The following CRB1 variants were observed in gnomAD, a reference collection of about 807,000 sequenced individuals.
The protein encoded by CRB1 is crumbs cell polarity complex component 1.
Under a neutral mutation model 120.0 loss-of-function variants are expected in CRB1, and 83 were observed. That is an observed-to-expected ratio of 0.69 (90% confidence interval 0.58 to 0.83). CRB1 has a LOEUF of 0.83. Ranked by LOEUF, CRB1 falls within the 40% of genes least tolerant of loss-of-function variation. CRB1 has a pLI of 0.00. For missense variants in CRB1, 1,699 were observed against 1,687.6 expected (o/e 1.01, Z -0.12); for synonymous variants, 625 against 612.5 (o/e 1.02, Z -0.30).
intron 5 of CRB1, among the ~76,000 whole-genome samples, chr1:197,403,778 C>G (rs1331551891): frequency 1.3e-5 from 2 of 151,968 alleles, no homozygotes; most frequent in African/African-American, 4.8e-5. Context: ...TTCTCTTTCT[C>G]TCTCTCTCCC....
At chr1:197,433,349 G>A (rs1664968359) in intron 8 of CRB1, among the ~76,000 whole-genome samples, 2 of 152,006 alleles carry the variant, frequency 1.3e-5, no homozygotes, top group African/African-American at 4.8e-5. Flanking sequence ...ATGGTGGTTG[G>A]GTGTAGTGCC....
chr1:197,377,601 C>G (rs1661716973), intron 5 of CRB1, among the ~76,000 whole-genome samples: 1 of 152,190 alleles, frequency 6.6e-6, no homozygotes, highest in Non-Finnish European at 1.5e-5. Context: ...TTCCATGCCA[C>G]TTGACATATC....
At chr1:197,224,914 A>G in the CRB1 span, among the ~76,000 whole-genome samples, 2 of 152,126 alleles carry the variant, frequency 1.3e-5, no homozygotes, top group Non-Finnish European at 2.9e-5. Flanking sequence ...TTTATTATAT[A>G]TATCATATAG....
intron 5 of CRB1, among the ~76,000 whole-genome samples, chr1:197,413,540 A>G (rs1434899500): frequency 6.6e-6 from 1 of 152,256 alleles, no homozygotes; most frequent in Non-Finnish European, 1.5e-5. Flanking sequence ...GTTGTAAAGC[A>G]AAATAAAATC....
At chr1:197,456,119 G>A (rs1666274099) in intron 11 of CRB1, among the ~76,000 whole-genome samples, 1 of 152,012 alleles carries the variant, frequency 6.6e-6, no homozygotes, top group Non-Finnish European at 1.5e-5. Context: ...GATAACAACA[G>A]TTATAAAGGA....
the CRB1 span, among the ~76,000 whole-genome samples, chr1:197,262,975 C>T: frequency 1.1e-3 from 164 of 152,166 alleles, no homozygotes; most frequent in Non-Finnish European, 1.8e-3. Flanking sequence ...TTATGAATAG[C>T]GCTGTAATGA....
chr1:197,355,670 C>T (rs967960805), intron 4 of CRB1, among the ~76,000 whole-genome samples: 4 of 152,310 alleles, frequency 2.6e-5, no homozygotes, highest in Admixed American at 1.3e-4. Flanking sequence ...TGGGCAGCGG[C>T]GCCCACCGGC....
At chr1:197,404,178 C>T (rs1663210978) in intron 5 of CRB1, among the ~76,000 whole-genome samples, 1 of 152,196 alleles carries the variant, frequency 6.6e-6, no homozygotes, top group Non-Finnish European at 1.5e-5. Context: ...AGTATTCAGA[C>T]TAGCTCTGTA....
chr1:197,298,375 T>C (rs758944271), intron 1 of CRB1, among the ~76,000 whole-genome samples: 17 of 152,100 alleles, frequency 1.1e-4, no homozygotes, highest in Non-Finnish European at 1.9e-4. Context: ...TTAAAGAAGG[T>C]ACCTCTAACA....
At position 197,328,800 on chromosome 1, in the gene CRB1, A is replaced by G. The variant is rs935079557; in HGVS notation, c.449A>G (p.Asp150Gly). Residue 150 changes from aspartate (D) to glycine (G), a missense_variant, in exon 2 of 12, where the codon GAT (aspartate) becomes GGT (glycine). Coordinates refer to ENST00000367400, the MANE Select transcript of CRB1 (RefSeq NM_201253.3). ...YAGRFCEIDH[D>G]ECASSPCQNG... Reference sequence around the variant, plus strand: ...GGAAGATTCTGTGAGATAGATCACGATGAGTGTGCTTCCAGCCCTTGCCAA... The same window carrying G: ...GGAAGATTCTGTGAGATAGATCACGGTGAGTGTGCTTCCAGCCCTTGCCAA... The G allele has an allele frequency of 6.2e-7, 1 of 1,613,942 alleles. No homozygotes were observed. The highest frequency in any genetic ancestry group is 1.3e-5 in the African/African-American group (1 of 75,052).
chr1:197,368,184 A>C (rs1661178953), intron 5 of CRB1, among the ~76,000 whole-genome samples: 2 of 152,218 alleles, frequency 1.3e-5, no homozygotes, highest in South Asian at 4.1e-4. Context: ...TTCACATTTC[A>C]GGAGCATTGT....
At chr1:197,455,904 T>A (rs1355999779) in intron 11 of CRB1, among the ~76,000 whole-genome samples, 1 of 152,062 alleles carries the variant, frequency 6.6e-6, no homozygotes, top group Non-Finnish European at 1.5e-5. Context: ...TGGAGACTAA[T>A]TATAGACAGA....
intron 1 of CRB1, among the ~76,000 whole-genome samples, chr1:197,325,687 G>A (rs1172718865): frequency 1.3e-5 from 2 of 151,768 alleles, no homozygotes; most frequent in Non-Finnish European, 2.9e-5. Context: ...ACTTCCCCAA[G>A]TCCCTGCTTG....
intron 4 of CRB1, among the ~76,000 whole-genome samples, chr1:197,349,516 GTCTCTC>G (rs1231477299): frequency 6.6e-6 from 1 of 152,094 alleles, no homozygotes; most frequent in Non-Finnish European, 1.5e-5. Flanking sequence ...CTGATCATCT[GTCTCTC>G]TCTCCCCACT....
chr1:197,378,416 CCT>C (rs1661762354), intron 5 of CRB1, among the ~76,000 whole-genome samples: 1 of 152,086 alleles, frequency 6.6e-6, no homozygotes, highest in South Asian at 2.1e-4. Context: ...TCCATTTTTT[CCT>C]CTCTTTTCTC....
intron 5 of CRB1, among the ~76,000 whole-genome samples, chr1:197,390,113 A>G (rs890543311): frequency 1.4e-5 from 2 of 141,790 alleles, no homozygotes; most frequent in Non-Finnish European, 3.1e-5. Context: ...TCTTTAAAAG[A>G]GATAATGTTA....
intron 4 of CRB1, among the ~76,000 whole-genome samples, chr1:197,349,065 T>C (rs1385419491): frequency 6.6e-6 from 1 of 152,208 alleles, no homozygotes; most frequent in East Asian, 1.9e-4. Context: ...TTCATGTTAG[T>C]ACCCTACACA....
At chr1:197,466,286 G>A (rs562762582) in intron 11 of CRB1, among the ~76,000 whole-genome samples, 1 of 152,172 alleles carries the variant, frequency 6.6e-6, no homozygotes, top group Non-Finnish European at 1.5e-5. Context: ...GGCATAAATG[G>A]GACTAGTGAT....
intron 1 of CRB1, among the ~76,000 whole-genome samples, chr1:197,281,970 A>G (rs1489332767): frequency 6.6e-6 from 1 of 151,748 alleles, no homozygotes; most frequent in South Asian, 2.1e-4. Context: ...ATAATAAAAA[A>G]AATTATAGAC....
Sources: gnomAD v4.1 joint callset for allele counts (sites outside exome capture counted in the v4.1 genomes callset) on GRCh38, gnomAD v4.1.1 for gene constraint, MANE v1.5 for transcripts, NCBI Gene and HGNC (gene_info 2026-07-23, HGNC 2026-07-21) for gene names.